The following SNX13 variants were observed in gnomAD, a reference collection of about 807,000 sequenced individuals.
SNX13 encodes sorting nexin-13.
SNX13 carries 45 observed loss-of-function variants against 133.6 expected under a neutral mutation model. The ratio of observed to expected loss-of-function variants is 0.34; its 90% CI spans 0.27 to 0.43. The LOEUF (loss-of-function observed/expected upper bound fraction) is 0.43, where lower values mean the gene tolerates loss of function less well. Among genes scored for constraint, SNX13 ranks in the 20% least tolerant of loss-of-function variants. The probability of loss-of-function intolerance (pLI) is 1.00; values close to 1 mark genes in which losing one functional copy is unlikely to be tolerated. For missense variants in SNX13, 1,032 were observed against 1,145.1 expected, an observed-to-expected ratio of 0.90 and a Z score of 1.43; for synonymous variants, 414 against 373.9, an observed-to-expected ratio of 1.11 and a Z score of -1.24.
chr7:17,800,778 C>G (rs1167180186), intron 22 of SNX13, among the ~76,000 whole-genome samples: 1 of 151,252 alleles, frequency 6.6e-6, no homozygotes, highest in Non-Finnish European at 1.5e-5. Flanking sequence ...ACGCATAAGA[C>G]AGAACATTCA....
chr7:17,829,239 A>T (rs2128307965), intron 16 of SNX13, among the ~76,000 whole-genome samples: 1 of 151,660 alleles, frequency 6.6e-6, no homozygotes, highest in East Asian at 1.9e-4. Context: ...GAGGAAAAAC[A>T]AAACAAACAA....
chr7:17,807,485 C>G (rs1785444092), intron 20 of SNX13, among the ~76,000 whole-genome samples: 1 of 152,226 alleles, frequency 6.6e-6, no homozygotes, highest in East Asian at 1.9e-4. Flanking sequence ...ATAGATAAAA[C>G]TCCAATCTCC....
chr7:17,909,219 T>C (rs1483720760), intron 1 of SNX13, among the ~76,000 whole-genome samples: 1 of 151,782 alleles, frequency 6.6e-6, no homozygotes, highest in African/African-American at 2.4e-5. Flanking sequence ...GCTAATGAGG[T>C]TGTGGAGAAA....
intron 1 of SNX13, among the ~76,000 whole-genome samples, chr7:17,934,151 T>C (rs1419857737): frequency 6.6e-6 from 1 of 152,222 alleles, no homozygotes; most frequent in East Asian, 1.9e-4. Flanking sequence ...TTAAACAGTT[T>C]AAGAGCTATC....
chr7:17,829,655 T>G (rs2128308203), intron 16 of SNX13, among the ~76,000 whole-genome samples: 1 of 151,518 alleles, frequency 6.6e-6, no homozygotes, highest in African/African-American at 2.4e-5. Context: ...TATAAACATT[T>G]ATGTGTCACA....
At chr7:17,872,017 A>G (rs999258448) in intron 8 of SNX13, among the ~76,000 whole-genome samples, 1 of 152,204 alleles carries the variant, frequency 6.6e-6, no homozygotes, top group Non-Finnish European at 1.5e-5. Context: ...TCCACTTTGG[A>G]CATTTCAGTT....
chr7:17,917,827 C>A (rs7793100), intron 1 of SNX13, among the ~76,000 whole-genome samples: 4 of 152,080 alleles, frequency 2.6e-5, no homozygotes, highest in African/African-American at 9.7e-5. Flanking sequence ...ACAAAAGAGC[C>A]TGAATAGCCA....
intron 1 of SNX13, among the ~76,000 whole-genome samples, chr7:17,939,992 A>G (rs1802620166): frequency 1.3e-5 from 2 of 152,174 alleles, no homozygotes; most frequent in Admixed American, 1.3e-4. Context: ...GGACACGAAG[A>G]AGGGAGCGAT....
intron 9 of SNX13, among the ~76,000 whole-genome samples, chr7:17,851,536 A>G (rs1396044845): frequency 1.3e-5 from 2 of 152,166 alleles, no homozygotes; most frequent in Non-Finnish European, 2.9e-5. Context: ...GTTTTATAGA[A>G]TGTTTTCTGG....
chr7:17,796,877 C>G lies in SNX13; in HGVS notation c.2576G>C (p.Arg859Pro). 6.2e-7 allele frequency: 1 copy of G among 1,611,194 alleles called. No individual in the cohort carries two copies. The highest frequency in any genetic ancestry group is 8.5e-7 in the Non-Finnish European group (1 of 1,178,142). The change falls in exon 25 of 26, where the codon CGA becomes CCA. Residue 859 changes from arginine to proline, a missense_variant. Transcript: ENST00000428135. ...TTTTCCTGCTACTCTTGTTCTCATT[C>G]GAATACTTTTATCTCTGCATGGAAC... ...EAVPCRDKSI[R>P]MRTRVAGKTK...
intron 1 of SNX13, among the ~76,000 whole-genome samples, chr7:17,932,143 G>T (rs1040659402): frequency 2.0e-5 from 3 of 152,164 alleles, no homozygotes; most frequent in Admixed American, 6.5e-5. Context: ...TTCTTTAAAT[G>T]TATCTAGTTT....
chr7:17,922,102 AT>A (rs1800187896), intron 1 of SNX13, among the ~76,000 whole-genome samples: 1 of 152,158 alleles, frequency 6.6e-6, no homozygotes, highest in Admixed American at 6.6e-5. Context: ...TCTCTAGCAA[AT>A]ATCCTCATTT....
chr7:17,938,832 T>C (rs986927530), intron 1 of SNX13, among the ~76,000 whole-genome samples: 1 of 152,232 alleles, frequency 6.6e-6, no homozygotes, highest in Non-Finnish European at 1.5e-5. Flanking sequence ...ACACTTATTA[T>C]AAGGCTAACT....
At chr7:17,930,785 T>C (rs1801306543) in intron 1 of SNX13, among the ~76,000 whole-genome samples, 1 of 152,114 alleles carries the variant, frequency 6.6e-6, no homozygotes, top group African/African-American at 2.4e-5. Flanking sequence ...CAGGGGTTAG[T>C]GGCGGGGAGT....
chr7:17,917,841 C>T (rs1799723858), intron 1 of SNX13, among the ~76,000 whole-genome samples: 1 of 152,060 alleles, frequency 6.6e-6, no homozygotes, highest in Admixed American at 6.5e-5. Context: ...ATAGCCAAAG[C>T]AATCCCAAGC....
intron 20 of SNX13, among the ~76,000 whole-genome samples, chr7:17,807,749 A>T (rs1000855263): frequency 6.6e-6 from 1 of 152,182 alleles, no homozygotes; most frequent in Non-Finnish European, 1.5e-5. Context: ...CCCCTCTGGG[A>T]TGAAGCATCC....
At chr7:17,818,292 A>C (rs1801231065) in intron 18 of SNX13, among the ~76,000 whole-genome samples, 1 of 152,208 alleles carries the variant, frequency 6.6e-6, no homozygotes, top group Non-Finnish European at 1.5e-5. Context: ...AGGAAATATG[A>C]CACTATCCAT....
intron 5 of SNX13, chr7:17,881,563 GAA>G (rs1795350104): frequency 6.6e-6 from 1 of 152,016 alleles, no homozygotes; most frequent in South Asian, 2.1e-4. Context: ...TAGATTTTGA[GAA>G]AAGTTTTACT....
rs530231460 is a variant in SNX13, at chr7:17,816,176, G to A, written c.1953+6C>T. On this transcript the variant is annotated splice_donor_region_variant and intron_variant, in intron 19 of 25. Transcript: ENST00000428135. Reference sequence around the variant, plus strand: ...AATCTGTGGATTATAGTAAACATGAGCTTACCTGCAAATATGCATTTAGAT... The same window carrying A: ...AATCTGTGGATTATAGTAAACATGAACTTACCTGCAAATATGCATTTAGAT... 16 of 1,529,184 alleles carry A rather than the reference G, an allele frequency of 1.0e-5. No individual in the cohort carries two copies. The South Asian group carries it at 1.7e-4, about 16-fold the overall frequency. 94.7% of individuals were successfully genotyped at this position (1,529,184 alleles called of 1,614,324 possible).
Sources: gnomAD v4.1 joint callset for allele counts (sites outside exome capture counted in the v4.1 genomes callset) on GRCh38, gnomAD v4.1.1 for gene constraint, MANE v1.5 for transcripts, NCBI Gene and HGNC (gene_info 2026-07-23, HGNC 2026-07-21) for gene names.